The following GSK3B variants were observed in gnomAD, a reference collection of about 807,000 sequenced individuals.
GSK3B encodes glycogen synthase kinase 3 beta, also known as glycogen synthase kinase-3 beta.
A neutral mutation model predicts 56.4 loss-of-function variants in GSK3B; 15 were observed. The ratio of observed to expected loss-of-function variants is 0.27; its 90% CI spans 0.18 to 0.41. The LOEUF is 0.41. GSK3B is among the 10% of genes least tolerant of loss of function. GSK3B has a pLI of 1.00. For synonymous variants in GSK3B, 181 were observed against 188.9 expected (o/e 0.96, Z 0.34); for missense variants, 300 against 513.4 (o/e 0.58, Z 4.02).
intron 8 of GSK3B, among the ~76,000 whole-genome samples, chr3:119,869,247 CAT>C (rs2056224438): frequency 8.5e-5 from 4 of 47,042 alleles, no homozygotes; most frequent in African/African-American, 2.9e-4. Context: ...AAAAAAAAAA[CAT>C]ATATTCTTTG....
chr3:119,971,100 C>T (rs77753722), intron 2 of GSK3B, among the ~76,000 whole-genome samples: 2,774 of 152,222 alleles, frequency 0.018, 92 homozygotes, highest in African/African-American at 0.064. Flanking sequence ...TAATCATTAA[C>T]TTTCTTATAT....
At chr3:120,083,815 CAAT>C (rs1334333596) in intron 1 of GSK3B, among the ~76,000 whole-genome samples, 2 of 152,120 alleles carry the variant, frequency 1.3e-5, no homozygotes, top group African/African-American at 4.8e-5. Context: ...TGTTATTCAG[CAAT>C]AAAAAGGAAT....
chr3:120,089,193 T>C (rs2058490528), intron 1 of GSK3B, among the ~76,000 whole-genome samples: 1 of 152,244 alleles, frequency 6.6e-6, no homozygotes, highest in African/African-American at 2.4e-5. Flanking sequence ...CATAAGGTGA[T>C]TTGTGAATCA....
chr3:119,860,164 T>C (rs1006282361), intron 9 of GSK3B, among the ~76,000 whole-genome samples: 1 of 152,162 alleles, frequency 6.6e-6, no homozygotes, highest in East Asian at 1.9e-4. Flanking sequence ...TACAAAACAA[T>C]TGATTCCCTA....
At chr3:120,090,910 T>C (rs1256898915) in intron 1 of GSK3B, among the ~76,000 whole-genome samples, 1 of 152,164 alleles carries the variant, frequency 6.6e-6, no homozygotes. Context: ...AATTCAGATT[T>C]GTCAACTTGA....
rs751790636 is a variant in GSK3B, at chr3:119,971,601, A to ATTTTTTTT, written c.283-24258_283-24251dup. 1.6e-3 allele frequency among the ~76,000 whole-genome samples: 136 copies of ATTTTTTTT among 83,856 alleles called. 13 individuals carry two copies. Among genetic ancestry groups the ATTTTTTTT allele is most frequent in the African/African-American group, 5.9e-3 (110 of 18,800 alleles). 55.0% of individuals were successfully genotyped at this position (83,856 alleles called of 152,430 possible). On this transcript the variant is annotated intron_variant, in intron 2 of 10. Transcript: ENST00000264235. Reference sequence around the variant, plus strand: ...ATTGATACTTAAACTATTTGCAATAATTTTTTTTTTTTTTTTTTTTTTTTT... The same window carrying ATTTTTTTT: ...ATTGATACTTAAACTATTTGCAATAATTTTTTTTTTTTTTTTTTTTTTTTTTTTTTTTT...
chr3:119,965,305 C>T (rs1289607160), intron 2 of GSK3B, among the ~76,000 whole-genome samples: 1 of 150,952 alleles, frequency 6.6e-6, no homozygotes, highest in African/African-American at 2.4e-5. Context: ...CTCAAATGAT[C>T]CACCTGCCTC....
At chr3:120,039,221 G>A (rs1197884693) in intron 1 of GSK3B, among the ~76,000 whole-genome samples, 1 of 152,168 alleles carries the variant, frequency 6.6e-6, no homozygotes, top group African/African-American at 2.4e-5. Context: ...TGAGGCAACA[G>A]GAACTCTCAC....
intron 1 of GSK3B, among the ~76,000 whole-genome samples, chr3:120,036,452 C>A (rs2058023878): frequency 1.3e-5 from 2 of 152,024 alleles, no homozygotes; most frequent in South Asian, 4.1e-4. Flanking sequence ...GAAGGGGGTA[C>A]CATGACTAAC....
intron 2 of GSK3B, among the ~76,000 whole-genome samples, chr3:119,992,018 T>C (rs191864716): frequency 8.3e-4 from 127 of 152,174 alleles, no homozygotes; most frequent in African/African-American, 2.7e-3. Context: ...GCTAAGATAA[T>C]TCAAGCTCAC....
chr3:119,960,335 A>G (rs915701635), intron 2 of GSK3B, among the ~76,000 whole-genome samples: 3 of 152,110 alleles, frequency 2.0e-5, no homozygotes, highest in Non-Finnish European at 4.4e-5. Context: ...TGTGGTTATA[A>G]AAGGGCAGTA....
In GSK3B at chr3:120,023,208, T is replaced by TA. The variant is rs752829820; in HGVS notation, c.89-20970_89-20969insT. On this transcript the variant is annotated intron_variant, in intron 1 of 10. Coordinates refer to ENST00000264235, the MANE Select transcript of GSK3B (RefSeq NM_001146156.2). The stretch of plus-strand genomic sequence containing the variant: ...GCAGAAGCATTGAACACATACTCAT[T>TA]TAAAAAAAAAAAAAATCAGTGGAAA... Among the ~76,000 whole-genome samples, 1,067 of 149,970 alleles carry TA rather than the reference T, an allele frequency of 7.1e-3. 13 individuals are homozygous for TA. Among genetic ancestry groups the TA allele is most frequent in the African/African-American group, 0.024 (979 of 40,378 alleles).
intron 1 of GSK3B, among the ~76,000 whole-genome samples, chr3:120,004,401 T>G (rs2057707539): frequency 6.6e-6 from 1 of 152,188 alleles, no homozygotes; most frequent in South Asian, 2.1e-4. Context: ...CTGACAGCTC[T>G]GAAGACAGCA....
intron 1 of GSK3B, among the ~76,000 whole-genome samples, chr3:120,011,045 G>C (rs1429970345): frequency 6.6e-6 from 1 of 152,134 alleles, no homozygotes; most frequent in Non-Finnish European, 1.5e-5. Context: ...CTCCAGCCTG[G>C]GCAACACAGC....
At chr3:119,905,091 A>C (rs1048524758) in intron 7 of GSK3B, among the ~76,000 whole-genome samples, 2 of 151,806 alleles carry the variant, frequency 1.3e-5, no homozygotes, top group Admixed American at 6.6e-5. Context: ...ATTCTAAGAT[A>C]ATATTTAAAT....
intron 10 of GSK3B, among the ~76,000 whole-genome samples, chr3:119,837,910 T>G: frequency 6.8e-6 from 1 of 146,114 alleles, no homozygotes; most frequent in Non-Finnish European, 1.5e-5. Context: ...TTTATATATA[T>G]AAATGTTGAA....
intron 2 of GSK3B, among the ~76,000 whole-genome samples, chr3:119,981,093 G>A (rs901315195): frequency 1.3e-5 from 2 of 152,152 alleles, no homozygotes; most frequent in South Asian, 2.1e-4. Context: ...TAAAACCTAC[G>A]ACACGTGGAG....
At chr3:120,091,001 G>C (rs1439986311) in intron 1 of GSK3B, among the ~76,000 whole-genome samples, 1 of 152,014 alleles carries the variant, frequency 6.6e-6, no homozygotes, top group African/African-American at 2.4e-5. Flanking sequence ...TTTTCTACCA[G>C]TTCAAGTTAC....
intron 9 of GSK3B, among the ~76,000 whole-genome samples, chr3:119,851,969 A>G (rs1213727910): frequency 1.3e-5 from 2 of 152,220 alleles, no homozygotes; most frequent in African/African-American, 2.4e-5. Context: ...TTACTTGTAT[A>G]TATTTCCTTG....
Sources: gnomAD v4.1 joint callset for allele counts (sites outside exome capture counted in the v4.1 genomes callset) on GRCh38, gnomAD v4.1.1 for gene constraint, MANE v1.5 for transcripts, NCBI Gene and HGNC (gene_info 2026-07-23, HGNC 2026-07-21) for gene names.